LRRC4C: variants seen among roughly 807,000 people sequenced by gnomAD.
The protein encoded by LRRC4C is leucine-rich repeat-containing protein 4C.
A neutral mutation model predicts 33.6 loss-of-function variants in LRRC4C; 5 were observed. The observed-to-expected ratio is 0.15, with a 90% confidence interval of 0.08 to 0.31. The LOEUF (loss-of-function observed/expected upper bound fraction) is 0.31. Ranked by LOEUF, LRRC4C falls within the 10% of genes least tolerant of loss-of-function variation. The pLI is 1.00. For synonymous variants in LRRC4C, 329 were observed against 302.0 expected (o/e 1.09, Z -0.93); for missense variants, 560 against 796.7 (o/e 0.70, Z 3.58).
intron 1 of LRRC4C, among the ~76,000 whole-genome samples, chr11:41,261,323 G>T (rs1205979596): frequency 6.6e-6 from 1 of 152,050 alleles, no homozygotes; most frequent in Non-Finnish European, 1.5e-5. Flanking sequence ...AACAGTTGAA[G>T]AATAAATTTT....
chr11:41,418,531 G>A (rs776098808), intron 1 of LRRC4C, among the ~76,000 whole-genome samples: 13 of 151,910 alleles, frequency 8.6e-5, no homozygotes, highest in South Asian at 2.1e-4. Context: ...CTGTAAAAGC[G>A]CCCATGACAC....
chr11:40,958,355 G>T (rs1959052169), intron 1 of LRRC4C, among the ~76,000 whole-genome samples: 1 of 151,744 alleles, frequency 6.6e-6, no homozygotes, highest in Non-Finnish European at 1.5e-5. Flanking sequence ...AGCACAAAAT[G>T]AATGTAAATT....
intron 1 of LRRC4C, among the ~76,000 whole-genome samples, chr11:41,084,146 A>C (rs917951028): frequency 6.6e-6 from 1 of 152,214 alleles, no homozygotes; most frequent in East Asian, 1.9e-4. Context: ...AAGAAAAGAA[A>C]GAGTAGAGCC....
intron 5 of LRRC4C, among the ~76,000 whole-genome samples, chr11:40,224,046 T>C (rs1864610465): frequency 6.6e-6 from 1 of 152,344 alleles, no homozygotes; most frequent in African/African-American, 2.4e-5. Context: ...GAATGGTATG[T>C]GTGTTTGTGC....
In LRRC4C at chr11:40,834,911, G is replaced by GACAGACAGACAGACACACAC. The variant is rs748483585; in HGVS notation, c.-407+98723_-407+98724insGTGTGTGTCTGTCTGTCTGT. Among the ~76,000 whole-genome samples the GACAGACAGACAGACACACAC allele has an allele frequency of 5.7e-4, 48 of 84,928 alleles. 1 individual carries two copies. The highest frequency in any genetic ancestry group is 4.7e-3 in the East Asian group (10 of 2,122). The allele number at this position is 84,928 out of a possible 152,430, so 55.7% of individuals were successfully genotyped here. The stretch of plus-strand genomic sequence containing the variant: ...AGACAGACAGACAGACAGACAGACA[G>GACAGACAGACAGACACACAC]ACACACACACACACACACACACACA... On this transcript the variant is annotated intron_variant, in intron 2 of 6. Coordinates refer to ENST00000528697, the MANE Select transcript of LRRC4C (RefSeq NM_001258419.2).
intron 2 of LRRC4C, among the ~76,000 whole-genome samples, chr11:40,671,947 T>C (rs1447506316): frequency 6.6e-6 from 1 of 152,076 alleles, no homozygotes; most frequent in Admixed American, 6.6e-5. Context: ...TAGTAAACAA[T>C]TGGTTGAATT....
chr11:41,194,756 C>T (rs186959086), intron 1 of LRRC4C, among the ~76,000 whole-genome samples: 46 of 152,010 alleles, frequency 3.0e-4, no homozygotes, highest in Admixed American at 3.0e-3. Context: ...AGCAAAGGGC[C>T]CTGTTAAGTT....
chr11:40,911,750 G>C (rs1033005895), intron 2 of LRRC4C, among the ~76,000 whole-genome samples: 2 of 152,192 alleles, frequency 1.3e-5, no homozygotes, highest in African/African-American at 2.4e-5. Context: ...ACTACTCTGA[G>C]CTAAAGGAGG....
intron 1 of LRRC4C, among the ~76,000 whole-genome samples, chr11:41,285,385 ATT>A (rs1282598571): frequency 6.6e-6 from 1 of 152,232 alleles, no homozygotes; most frequent in Non-Finnish European, 1.5e-5. Context: ...AGCATGATTT[ATT>A]TTTTAAATAT....
intron 3 of LRRC4C, among the ~76,000 whole-genome samples, chr11:40,587,696 A>G (rs1347853114): frequency 6.6e-6 from 1 of 151,948 alleles, no homozygotes; most frequent in Non-Finnish European, 1.5e-5. Flanking sequence ...GGGTTGTTGA[A>G]TTTTGTCAAA....
chr11:40,931,685 C>T (rs1040788128), intron 2 of LRRC4C, among the ~76,000 whole-genome samples: 1 of 151,826 alleles, frequency 6.6e-6, no homozygotes, highest in Admixed American at 6.6e-5. Flanking sequence ...GTGTAGCATA[C>T]ATATGCGTAG....
chr11:40,330,899 G>A (rs979679799), intron 3 of LRRC4C, among the ~76,000 whole-genome samples: 1 of 152,144 alleles, frequency 6.6e-6, no homozygotes, highest in African/African-American at 2.4e-5. Context: ...TAACTATAGT[G>A]TTATAGAGCA....
At chr11:40,659,178 G>A (rs543020584) in intron 2 of LRRC4C, among the ~76,000 whole-genome samples, 4 of 152,332 alleles carry the variant, frequency 2.6e-5, no homozygotes, top group Admixed American at 2.6e-4. Context: ...TTGTGGCTGA[G>A]CTCAGGCTCT....
chr11:40,918,199 C>G (rs970445922), intron 2 of LRRC4C, among the ~76,000 whole-genome samples: 13 of 151,910 alleles, frequency 8.6e-5, no homozygotes, highest in Non-Finnish European at 1.6e-4. Context: ...TTATCTAAAG[C>G]AAAATAAGCT....
chr11:40,642,932 A>G (rs558355605), intron 3 of LRRC4C, among the ~76,000 whole-genome samples: 1 of 152,330 alleles, frequency 6.6e-6, no homozygotes, highest in Non-Finnish European at 1.5e-5. Context: ...CCACTTACAG[A>G]AGGATAAAAT....
At position 40,858,056 on chromosome 11, in the gene LRRC4C, A is replaced by AAGGGAAGGGAAG. The variant is rs1953888015; in HGVS notation, c.-407+75578_-407+75579insCTTCCCTTCCCT. 2.3e-5 allele frequency among the ~76,000 whole-genome samples: 3 copies of AAGGGAAGGGAAG among 127,826 alleles called. No individual in the cohort carries two copies. The Admixed American group carries it at 2.5e-4, about 11-fold the overall frequency. The allele number at this position is 127,826 out of a possible 152,430, so 83.9% of individuals were successfully genotyped here. ...GGGAAGGGAAGGGAAGGGAAGGGAA[A>AAGGGAAGGGAAG]ACTCTAAAGCTGCACTACCCAATGT... On this transcript the variant is annotated intron_variant, in intron 2 of 6. Transcript: ENST00000528697.
chr11:41,382,876 A>G (rs562164629), intron 1 of LRRC4C, among the ~76,000 whole-genome samples: 1 of 152,240 alleles, frequency 6.6e-6, no homozygotes, highest in South Asian at 2.1e-4. Context: ...GTTGGGTTTT[A>G]TGCCTCACAG....
chr11:41,235,890 G>T (rs746235245), intron 1 of LRRC4C, among the ~76,000 whole-genome samples: 1 of 152,074 alleles, frequency 6.6e-6, no homozygotes, highest in East Asian at 1.9e-4. Flanking sequence ...GGGTAATGAG[G>T]TAGATACTCC....
chr11:40,907,770 T>C (rs1477094888), intron 2 of LRRC4C, among the ~76,000 whole-genome samples: 2 of 152,236 alleles, frequency 1.3e-5, no homozygotes, highest in Admixed American at 1.3e-4. Context: ...TTCTCAAAAA[T>C]TTTAAAATTC....
Sources: gnomAD v4.1 joint callset for allele counts (sites outside exome capture counted in the v4.1 genomes callset) on GRCh38, gnomAD v4.1.1 for gene constraint, MANE v1.5 for transcripts, NCBI Gene and HGNC (gene_info 2026-07-23, HGNC 2026-07-21) for gene names.